Variants in ITSN2 observed in about 807,000 individuals in gnomAD.
ITSN2 encodes the protein intersectin-2.
ITSN2 carries 156 observed loss-of-function variants against 243.7 expected under a neutral mutation model. That is an observed-to-expected ratio of 0.64 (90% CI 0.56 to 0.73). The LOEUF is 0.73. Among genes scored for constraint, ITSN2 ranks in the 30% least tolerant of loss-of-function variants. The pLI, the probability that ITSN2 is intolerant of heterozygous loss-of-function variation, is 0.00. For synonymous variants in ITSN2, 703 were observed against 699.9 expected (o/e 1.00, Z -0.07); for missense variants, 1,801 against 1,996.1 (o/e 0.90, Z 1.86).
At chr2:24,314,300 C>T (rs919115732) in intron 3 of ITSN2, among the ~76,000 whole-genome samples, 2 of 152,174 alleles carry the variant, frequency 1.3e-5, no homozygotes, top group African/African-American at 4.8e-5. Context: ...AACCTGTAAG[C>T]AGGGTAATCA....
intron 34 of ITSN2, chr2:24,210,472 C>A (rs376616213): frequency 2.2e-5 from 7 of 315,158 alleles, no homozygotes; most frequent in African/African-American, 1.1e-4. Flanking sequence ...ATTAGCTGGG[C>A]ATCGTAGCAG....
chr2:24,230,572 A>G (rs1237540595), intron 29 of ITSN2, among the ~76,000 whole-genome samples: 5 of 152,144 alleles, frequency 3.3e-5, no homozygotes, highest in African/African-American at 1.2e-4. Context: ...GTTGGAGACC[A>G]GCCTGGCCAA....
At position 24,204,157 on chromosome 2, in the gene ITSN2, T is replaced by C; in HGVS notation, c.4936+88A>G. ...GTCACTTCCCTGAAGTGGCATGGGG[T>C]CTGCACACAGCTGAAGCCCCTAGAT... On this transcript the variant is annotated intron_variant, in intron 39 of 39. Coordinates refer to ENST00000355123, the MANE Select transcript of ITSN2 (RefSeq NM_006277.3). This position sits in a 1 kb window ranked among gnomAD's most constrained non-coding sequence, Gnocchi z 5.1. 1 of 1,314,088 alleles carries C rather than the reference T, an allele frequency of 7.6e-7. No individual in the cohort carries two copies. Among genetic ancestry groups the C allele is most frequent in the Non-Finnish European group, 1.1e-6 (1 of 920,946 alleles). The allele number at this position is 1,314,088 out of a possible 1,614,324, so 81.4% of individuals were successfully genotyped here.
At chr2:24,336,056 A>G (rs1293414174) in intron 1 of ITSN2, among the ~76,000 whole-genome samples, 1 of 151,516 alleles carries the variant, frequency 6.6e-6, no homozygotes, top group Non-Finnish European at 1.5e-5. Context: ...CCTGGCTAAC[A>G]TGGTGGAACC....
At chr2:24,309,952 A>G (rs1683047990) in intron 7 of ITSN2, among the ~76,000 whole-genome samples, 1 of 152,224 alleles carries the variant, frequency 6.6e-6, no homozygotes, top group Non-Finnish European at 1.5e-5. Flanking sequence ...GAAAGAAATT[A>G]ACAATGTACA....
chr2:24,337,647 GC>G (rs1489830518), intron 1 of ITSN2, among the ~76,000 whole-genome samples: 1 of 139,212 alleles, frequency 7.2e-6, no homozygotes, highest in Non-Finnish European at 1.6e-5. Flanking sequence ...ACCACGCCTG[GC>G]TTTTTTTTTT....
intron 29 of ITSN2, among the ~76,000 whole-genome samples, chr2:24,227,913 A>C (rs1308688872): frequency 6.6e-6 from 1 of 152,188 alleles, no homozygotes; most frequent in African/African-American, 2.4e-5. Flanking sequence ...GATGGAAAAC[A>C]TAAAACGGAA....
chr2:24,272,927 C>A lies in ITSN2; in HGVS notation c.2082-986G>T, dbSNP rs77575754. On this transcript the variant is annotated intron_variant, in intron 18 of 39. Transcript: ENST00000355123. ...AGAACTCATGCATCTTATAGTTCTC[C>A]TTTGCATGTATTTTCACAACCTTAC... 1.7e-3 allele frequency among the ~76,000 whole-genome samples: 252 copies of A among 152,220 alleles called. 7 individuals are homozygous for A. The East Asian group carries it at 0.043, about 26-fold the overall frequency.
chr2:24,204,552 G>T lies in ITSN2; in HGVS notation c.4763-134C>A. 1 of 786,354 alleles carries T rather than the reference G, an allele frequency of 1.3e-6. No individual in the cohort carries two copies. Among genetic ancestry groups the T allele is most frequent in the Non-Finnish European group, 2.2e-6 (1 of 449,528 alleles). The allele number at this position is 786,354 out of a possible 1,614,324, so 48.7% of individuals were successfully genotyped here. ...CCATGGCAGCAGGAGCCGCTGCCTGGGGCACCATATCCCTGTGGTCTAGTA... is the reference window on the plus strand; with the variant it reads ...CCATGGCAGCAGGAGCCGCTGCCTGTGGCACCATATCCCTGTGGTCTAGTA... On this transcript the variant is annotated intron_variant, in intron 38 of 39. Coordinates refer to ENST00000355123, the MANE Select transcript of ITSN2 (RefSeq NM_006277.3). This position sits in a 1 kb window ranked among gnomAD's most constrained non-coding sequence, Gnocchi z 5.1.
intron 23 of ITSN2, among the ~76,000 whole-genome samples, chr2:24,257,263 T>C (rs1240847887): frequency 1.3e-5 from 2 of 151,984 alleles, no homozygotes; most frequent in Admixed American, 6.6e-5. Context: ...GAGGCTGCAG[T>C]GAGCCATGAT....
intron 9 of ITSN2, among the ~76,000 whole-genome samples, chr2:24,302,735 C>T (rs1052901235): frequency 6.6e-6 from 1 of 152,170 alleles, no homozygotes; most frequent in Non-Finnish European, 1.5e-5. Flanking sequence ...TGTCTTACTC[C>T]ATGGTTAATT....
intron 17 of ITSN2, among the ~76,000 whole-genome samples, chr2:24,278,264 T>C (rs976129829): frequency 6.6e-6 from 1 of 152,216 alleles, no homozygotes; most frequent in Non-Finnish European, 1.5e-5. Context: ...CCTTGTGCCA[T>C]TCTGTATATT....
intron 1 of ITSN2, among the ~76,000 whole-genome samples, chr2:24,336,219 G>A (rs187263291): frequency 6.9e-6 from 1 of 144,270 alleles, no homozygotes; most frequent in African/African-American, 2.6e-5. Context: ...TCCAGCCTGG[G>A]CCACAGAGCG....
chr2:24,355,477 T>C (rs1688362167), intron 1 of ITSN2, among the ~76,000 whole-genome samples: 1 of 152,092 alleles, frequency 6.6e-6, no homozygotes, highest in Non-Finnish European at 1.5e-5. Context: ...AAACAAGCAA[T>C]GGGGAAAGGA....
At chr2:24,316,078 C>T (rs750945373) in intron 2 of ITSN2, among the ~76,000 whole-genome samples, 20 of 152,092 alleles carry the variant, frequency 1.3e-4, no homozygotes, top group Admixed American at 3.9e-4. Flanking sequence ...GAACATTTCA[C>T]ACCATAAGGG....
At chr2:24,220,254 A>G (rs1199181647) in intron 30 of ITSN2, 1 of 890,502 alleles carries the variant, frequency 1.1e-6, no homozygotes, top group African/African-American at 1.8e-5. Context: ...TGGTTTGTTA[A>G]TGTAACTGGT....
chr2:24,282,896 A>G (rs1412191987), intron 17 of ITSN2, among the ~76,000 whole-genome samples: 2 of 151,804 alleles, frequency 1.3e-5, no homozygotes, highest in Non-Finnish European at 2.9e-5. Flanking sequence ...TCTCCATTCC[A>G]TCTTAATCTG....
chr2:24,335,362 T>A (rs927482042), intron 1 of ITSN2, among the ~76,000 whole-genome samples: 1 of 152,132 alleles, frequency 6.6e-6, no homozygotes, highest in Admixed American at 6.5e-5. Flanking sequence ...AGACAAAGTA[T>A]CACCCTGCCA....
At chr2:24,305,123 C>T (rs1287568853) in intron 8 of ITSN2, among the ~76,000 whole-genome samples, 1 of 152,170 alleles carries the variant, frequency 6.6e-6, no homozygotes, top group Non-Finnish European at 1.5e-5. Flanking sequence ...ACCTTGATTA[C>T]ATGAGCTCTT....
Sources: gnomAD v4.1 joint callset for allele counts (sites outside exome capture counted in the v4.1 genomes callset) on GRCh38, gnomAD v4.1.1 for gene constraint, Gnocchi (gnomAD v3.1) non-coding constraint, MANE v1.5 for transcripts, NCBI Gene and HGNC (gene_info 2026-07-23, HGNC 2026-07-21) for gene names.